Variants in ACTL6B observed in about 807,000 individuals in gnomAD.
ACTL6B encodes actin-like protein 6B.
ACTL6B carries 48 observed loss-of-function variants against 63.3 expected under a neutral mutation model. The observed-to-expected ratio is 0.76, with a 90% CI of 0.60 to 0.96. The LOEUF is 0.96. Ranked by LOEUF, ACTL6B falls within the 50% of genes least tolerant of loss-of-function variation. The pLI is 0.00. For missense variants in ACTL6B, 350 were observed against 572.2 expected (o/e 0.61, Z 3.96); for synonymous variants, 230 against 223.8 (o/e 1.03, Z -0.25).
chr7:100,651,303 C>T (rs774034920), intron 4 of ACTL6B, among the ~76,000 whole-genome samples: 64 of 152,122 alleles, frequency 4.2e-4, no homozygotes, highest in Middle Eastern at 3.4e-3. Flanking sequence ...GTAATCCCAG[C>T]GCTTTGGGAG....
At chr7:100,652,226 G>A (rs575999832) in intron 4 of ACTL6B, among the ~76,000 whole-genome samples, 7 of 151,698 alleles carry the variant, frequency 4.6e-5, no homozygotes, top group African/African-American at 9.7e-5. Context: ...GTGAAACCCC[G>A]CCTCTACTAA....
chr7:100,653,291 T>G (rs1387612570), intron 4 of ACTL6B, among the ~76,000 whole-genome samples: 1 of 152,064 alleles, frequency 6.6e-6, no homozygotes. Context: ...TGCAAAAGAT[T>G]CTCTTAAAAT....
In ACTL6B at chr7:100,646,634, T is replaced by C; in HGVS notation, c.1030A>G (p.Ser344Gly). The C allele has an allele frequency of 1.2e-6, 2 of 1,614,016 alleles. No homozygotes were observed. Among genetic ancestry groups the C allele is most frequent in the Non-Finnish European group, 1.7e-6 (2 of 1,179,986 alleles). Reference sequence around the variant, plus strand: ...GTGTTCCCGCCGGTGACAATGACACTCCCGTACAGGCCCTGAGAGCAGGGA... The same window carrying C: ...GTGTTCCCGCCGGTGACAATGACACCCCCGTACAGGCCCTGAGAGCAGGGA... Reference protein sequence around the residue: ...DIDIRPGLYGSVIVTGGNTLL... With the variant: ...DIDIRPGLYGGVIVTGGNTLL... Residue 344 changes from serine (S) to glycine (G), a missense_variant, in exon 12 of 14, where the codon AGT becomes GGT. Around this residue, in one of 3 missense-constraint regions of ACTL6B, gnomAD observed 76 missense variants for 126.1 expected, o/e 0.60. Coordinates refer to ENST00000160382, the MANE Select transcript of ACTL6B (RefSeq NM_016188.5). This position sits in a 1 kb window ranked among gnomAD's most constrained non-coding sequence, Gnocchi z 6.1.
At position 100,648,899 on chromosome 7, in the gene ACTL6B, C is replaced by T; in HGVS notation, c.468-76G>A. Reference sequence around the variant, plus strand: ...TGGGCCCAGATCTTGTCTGGTCACTCTCTGCTCTACCGGGGTCCAGCCCAT... The same window carrying T: ...TGGGCCCAGATCTTGTCTGGTCACTTTCTGCTCTACCGGGGTCCAGCCCAT... On this transcript the variant is annotated intron_variant, in intron 5 of 13. Coordinates refer to ENST00000160382, the MANE Select transcript of ACTL6B (RefSeq NM_016188.5). This position sits in a 1 kb window ranked among gnomAD's most constrained non-coding sequence, Gnocchi z 4.4. The T allele has an allele frequency of 2.1e-6, 3 of 1,428,412 alleles. No homozygotes were observed. In the South Asian group the frequency reaches 3.9e-5, roughly 19 times the overall value. 88.5% of individuals were successfully genotyped at this position (1,428,412 alleles called of 1,614,324 possible).
intron 13 of ACTL6B, among the ~76,000 whole-genome samples, chr7:100,643,861 C>T (rs1803769156): frequency 6.6e-6 from 1 of 151,906 alleles, no homozygotes; most frequent in Admixed American, 6.6e-5. Flanking sequence ...AGTGTCCCTT[C>T]TCTCTATTTT....
intron 5 of ACTL6B, among the ~76,000 whole-genome samples, chr7:100,649,487 G>A (rs1391649654): frequency 2.0e-5 from 3 of 151,582 alleles, no homozygotes; most frequent in African/African-American, 4.9e-5. Context: ...TAGTAGACAC[G>A]GGCTTTTGCC....
chr7:100,647,178 C>G lies in ACTL6B; in HGVS notation c.821+45G>C, dbSNP rs182364275. 1.3e-6 allele frequency: 2 copies of G among 1,586,292 alleles called. No homozygotes were observed. The highest frequency in any genetic ancestry group is 8.7e-7 in the Non-Finnish European group (1 of 1,155,234). On this transcript the variant is annotated intron_variant, in intron 9 of 13. Coordinates refer to ENST00000160382, the MANE Select transcript of ACTL6B (RefSeq NM_016188.5). This position sits in a 1 kb window ranked among gnomAD's most constrained non-coding sequence, Gnocchi z 4.4. ...GCCCCCCAGCCCACCCCAAGAGTGC[C>G]GGTTCTGCCCTCTCTCCCACCCCAA...
rs536194890 is a variant in ACTL6B, at chr7:100,650,703, G to A, written c.370-568C>T. Reference sequence around the variant, plus strand: ...AAAAAATTTAAAGTAAGGAGCTTGTGGGAATTAAAACTACATGAACAGAAA... The same window carrying A: ...AAAAAATTTAAAGTAAGGAGCTTGTAGGAATTAAAACTACATGAACAGAAA... On this transcript the variant is annotated intron_variant, in intron 4 of 13. Transcript: ENST00000160382. 7.2e-5 allele frequency among the ~76,000 whole-genome samples: 11 copies of A among 152,036 alleles called. No individual in the cohort carries two copies. In the East Asian group the frequency reaches 1.9e-3, roughly 27 times the overall value.
At position 100,647,313 on chromosome 7, in the gene ACTL6B, C is replaced by T. The variant is rs1206402456; in HGVS notation, c.760-29G>A. On this transcript the variant is annotated intron_variant, in intron 8 of 13. Transcript: ENST00000160382. The surrounding 1 kb of genome is among the most constrained non-coding windows in gnomAD (Gnocchi z 4.4). ...AAATCCCAGCGGAGGTGGTGAGGGC[C>T]TGCCTTCCCCGTGAGCAGCACCCCC... 1.2e-6 allele frequency: 2 copies of T among 1,612,428 alleles called. No homozygotes were observed. The highest frequency in any genetic ancestry group is 1.7e-6 in the Non-Finnish European group (2 of 1,179,460).
At position 100,646,504 on chromosome 7, in the gene ACTL6B, G is replaced by C. The variant is rs555911149; in HGVS notation, c.1113+47C>G. 2 of 1,595,928 alleles carry C rather than the reference G, an allele frequency of 1.3e-6. No individual in the cohort carries two copies. The highest frequency in any genetic ancestry group is 3.3e-5 in the Admixed American group (2 of 59,990). On this transcript the variant is annotated intron_variant, in intron 12 of 13. Transcript: ENST00000160382. This position sits in a 1 kb window ranked among gnomAD's most constrained non-coding sequence, Gnocchi z 6.1. ...TGAAGGGACTCAGTCCTGGACAGCT[G>C]AGCCAGGACGGGTGTCCAGGGCTCT...
In ACTL6B at chr7:100,647,860, TACTC is replaced by T. The variant is rs1352574195; in HGVS notation, c.670-331_670-328del. 2 of 296,082 alleles carry T rather than the reference TACTC, an allele frequency of 6.8e-6. No individual in the cohort carries two copies. Among genetic ancestry groups the T allele is most frequent in the South Asian group, 1.0e-4 (1 of 9,970 alleles). 18.3% of individuals were successfully genotyped at this position (296,082 alleles called of 1,614,324 possible). Reference sequence around the variant, plus strand: ...GAGCTAAGCACACAGTGTCACTTCATACTCACAGCACCCTGGCTACTGCCTACTG... The same window carrying T: ...GAGCTAAGCACACAGTGTCACTTCATACAGCACCCTGGCTACTGCCTACTG... On this transcript the variant is annotated intron_variant, in intron 7 of 13. Coordinates refer to ENST00000160382, the MANE Select transcript of ACTL6B (RefSeq NM_016188.5). The surrounding 1 kb of genome is among the most constrained non-coding windows in gnomAD (Gnocchi z 4.4).
rs1394257940 is a variant in ACTL6B at position 100,648,787 on chromosome 7, G to A, written c.504C>T (p.Asp168=). 6.2e-7 allele frequency: 1 copy of A among 1,614,006 alleles called. No homozygotes were observed. Among genetic ancestry groups the A allele is most frequent in the Non-Finnish European group, 8.5e-7 (1 of 1,179,990 alleles). ...ANGRSTGLVL[D]SGATHTTAIP... is the part of the protein sequence containing the mutation. ...TGGCCGTGGTGTGGGTGGCTCCACT[G>A]TCCAGCACGAGGCCAGTGGACCGCC... The change falls in exon 6 of 14, where the codon GAC becomes GAT. Residue 168 remains aspartate (D), a synonymous_variant. Transcript: ENST00000160382. This position sits in a 1 kb window ranked among gnomAD's most constrained non-coding sequence, Gnocchi z 4.4.
Position 100,646,906 on chromosome 7 carries a change from C to T in ACTL6B, c.936+65G>A. 6.2e-7 allele frequency: 1 copy of T among 1,601,698 alleles called. No homozygotes were observed. The highest frequency in any genetic ancestry group is 2.2e-5 in the East Asian group (1 of 44,724). On this transcript the variant is annotated intron_variant, in intron 10 of 13. Coordinates refer to ENST00000160382, the MANE Select transcript of ACTL6B (RefSeq NM_016188.5). The surrounding 1 kb of genome is among the most constrained non-coding windows in gnomAD (Gnocchi z 6.1). ...GACCCCTGCAATCCTTCCCAGCCTC[C>T]CCCACGCCCCAGGATCCAGGGACTG...
At chr7:100,649,837 G>T (rs1290249237) in intron 5 of ACTL6B, 5 of 531,820 alleles carry the variant, frequency 9.4e-6, no homozygotes, top group Non-Finnish European at 1.7e-5. Flanking sequence ...ACCGAAAGGG[G>T]CCGCTGATCT....
rs1584468221 is a variant in ACTL6B, at chr7:100,647,293, C to T, written c.760-9G>A. 1 of 1,613,208 alleles carries T rather than the reference C, an allele frequency of 6.2e-7. No homozygotes were observed. The highest frequency in any genetic ancestry group is 8.5e-7 in the Non-Finnish European group (1 of 1,179,878). ...AAGTCCTGGATCACCTCCTGAAATC[C>T]CAGCGGAGGTGGTGAGGGCCTGCCT... On this transcript the variant is annotated splice_polypyrimidine_tract_variant and intron_variant, in intron 8 of 13. Transcript: ENST00000160382. This position sits in a 1 kb window ranked among gnomAD's most constrained non-coding sequence, Gnocchi z 4.4.
rs757305079 is a variant in ACTL6B, at chr7:100,646,852, G to C, written c.937-21C>G. 6.2e-7 allele frequency: 1 copy of C among 1,607,788 alleles called. No homozygotes were observed. Among genetic ancestry groups the C allele is most frequent in the South Asian group, 1.1e-5 (1 of 90,662 alleles). On this transcript the variant is annotated intron_variant, in intron 10 of 13. Coordinates refer to ENST00000160382, the MANE Select transcript of ACTL6B (RefSeq NM_016188.5). The surrounding 1 kb of genome is among the most constrained non-coding windows in gnomAD (Gnocchi z 6.1). ...AGGCCCTGCAGAGAGAGGTGACTGG[G>C]GCTGTGGGCTCTCTCCCCCTTCCCC...
At chr7:100,649,969 A>T in intron 5 of ACTL6B, 69 bp downstream of exon 5, 2 of 1,399,780 alleles carry the variant, frequency 1.4e-6, no homozygotes, top group Non-Finnish European at 2.0e-6. Flanking sequence ...CCAGCTCATC[A>T]CAGCTGAGCT....
chr7:100,643,234 G>T lies in ACTL6B; in HGVS notation c.*12C>A. 6.2e-7 allele frequency: 1 copy of T among 1,613,840 alleles called. No homozygotes were observed. Among genetic ancestry groups the T allele is most frequent in the Non-Finnish European group, 8.5e-7 (1 of 1,179,840 alleles). ...TCTGAGCTTGGGAGCAGGTGTGTGG[G>T]GAGGAGTGCCATCAGGGGCACTTTC... On this transcript the variant is annotated 3_prime_UTR_variant, in exon 14 of 14. Coordinates refer to ENST00000160382, the MANE Select transcript of ACTL6B (RefSeq NM_016188.5).
At position 100,643,119 on chromosome 7, in the gene ACTL6B, ACTT is replaced by A; in HGVS notation, c.*124_*126del. 1 of 1,061,776 alleles carries A rather than the reference ACTT, an allele frequency of 9.4e-7. No individual in the cohort carries two copies. Among genetic ancestry groups the A allele is most frequent in the Non-Finnish European group, 1.4e-6 (1 of 717,394 alleles). The allele number at this position is 1,061,776 out of a possible 1,614,324, so 65.8% of individuals were successfully genotyped here. A position where few individuals can be genotyped will look rare whatever the true frequency, so the allele number is the denominator to read the frequency against. Reference sequence around the variant, plus strand: ...AACTTTTTTTTCTTAAAACATTTTTACTTCTTTCAACCCAGAAACATCACCATT... The same window carrying A: ...AACTTTTTTTTCTTAAAACATTTTTACTTTCAACCCAGAAACATCACCATT... On this transcript the variant is annotated 3_prime_UTR_variant, in exon 14 of 14. Transcript: ENST00000160382.
Sources: allele counts gnomAD v4.1 joint callset (sites outside exome capture counted in the v4.1 genomes callset), GRCh38; gene constraint gnomAD v4.1.1; regional missense constraint gnomAD v4.1.1; non-coding constraint Gnocchi (gnomAD v3.1); transcripts MANE v1.5; gene names NCBI Gene and HGNC (gene_info 2026-07-23, HGNC 2026-07-21).